The following KPNA7 variants were observed in gnomAD, a reference collection of about 807,000 sequenced individuals.
KPNA7 encodes karyopherin subunit alpha 7.
A neutral mutation model predicts 53.7 loss-of-function variants in KPNA7; 54 were observed. The ratio of observed to expected loss-of-function variants is 1.01; its 90% confidence interval spans 0.81 to 1.26. The LOEUF is 1.26. Among genes scored for constraint, KPNA7 ranks in the 50% most tolerant of loss-of-function variants. The probability of loss-of-function intolerance (pLI) is 0.00; values close to 1 mark genes in which losing one functional copy is unlikely to be tolerated. For synonymous variants in KPNA7, 276 were observed against 259.3 expected, an observed-to-expected ratio of 1.06 and a Z score of -0.62; for missense variants, 640 against 644.5, an observed-to-expected ratio of 0.99 and a Z score of 0.07.
chr7:99,202,700 C>G (rs1336786403), intron 3 of KPNA7, among the ~76,000 whole-genome samples: 1 of 151,910 alleles, frequency 6.6e-6, no homozygotes, highest in African/African-American at 2.4e-5. Context: ...AAAAAATTCA[C>G]CAGGCATGAT....
the KPNA7 span, among the ~76,000 whole-genome samples, chr7:99,155,563 G>A: frequency 1.2e-3 from 187 of 151,930 alleles, 1 homozygote; most frequent in Middle Eastern, 3.4e-3. Flanking sequence ...AGATTTATGG[G>A]GTTGTTCTTG....
chr7:99,147,785 C>CT, the KPNA7 span, among the ~76,000 whole-genome samples: 11 of 121,282 alleles, frequency 9.1e-5, no homozygotes, highest in East Asian at 2.6e-3. Flanking sequence ...GAGCAAGACT[C>CT]TATCTCAAAA....
At chr7:99,174,016 C>T (rs1798820629) in intron 10 of KPNA7, among the ~76,000 whole-genome samples, 1 of 152,204 alleles carries the variant, frequency 6.6e-6, no homozygotes, top group Admixed American at 6.5e-5. Flanking sequence ...CCTATTGCAT[C>T]AGGGGTCCCC....
At chr7:99,216,598 G>A (rs534443250) in intron 1 of KPNA7, among the ~76,000 whole-genome samples, 1 of 152,022 alleles carries the variant, frequency 6.6e-6, no homozygotes, top group East Asian at 1.9e-4. Flanking sequence ...GTCTGGCTCT[G>A]TCGCCCAGGC....
intron 1 of KPNA7, among the ~76,000 whole-genome samples, chr7:99,217,883 G>A (rs1427514801): frequency 6.6e-5 from 10 of 151,954 alleles, no homozygotes; most frequent in African/African-American, 9.7e-5. Context: ...CACGCACCTC[G>A]GCCTCCCAAA....
chr7:99,173,889 T>A (rs1798817560), intron 10 of KPNA7, 95 bp from the exon 11 acceptor site: 1 of 731,340 alleles, frequency 1.4e-6, no homozygotes, highest in Non-Finnish European at 2.3e-6. Flanking sequence ...AAATTGACCC[T>A]CTTAACCATG....
At chr7:99,178,862 T>A (rs10279765) in intron 9 of KPNA7, among the ~76,000 whole-genome samples, 131,371 of 149,770 alleles carry the variant, frequency 0.88, 57,760 homozygotes, top group Non-Finnish European at 0.92. Flanking sequence ...GGCTCACTAC[T>A]CTCCCCACCT....
intron 9 of KPNA7, among the ~76,000 whole-genome samples, chr7:99,178,689 C>T (rs1799017913): frequency 6.9e-6 from 1 of 143,922 alleles, no homozygotes; most frequent in African/African-American, 2.5e-5. Context: ...CTCCTGGCCT[C>T]AAGCAATCTT....
chr7:99,146,131 A>C, the KPNA7 span, among the ~76,000 whole-genome samples: 6 of 152,250 alleles, frequency 3.9e-5, no homozygotes, highest in Admixed American at 3.9e-4. Context: ...TCTCCTCTCT[A>C]AACAAAACCA....
chr7:99,190,666 T>G (rs1346482490), intron 6 of KPNA7, among the ~76,000 whole-genome samples: 1 of 151,692 alleles, frequency 6.6e-6, no homozygotes, highest in African/African-American at 2.4e-5. Flanking sequence ...TTTTTTTTTT[T>G]TTGGGGGGAG....
chr7:99,198,660 A>C (rs1790351692), intron 3 of KPNA7, among the ~76,000 whole-genome samples: 1 of 152,204 alleles, frequency 6.6e-6, no homozygotes, highest in African/African-American at 2.4e-5. Flanking sequence ...CAAAAAACTC[A>C]GAGGTAGCCT....
chr7:99,151,069 G>A, the KPNA7 span, among the ~76,000 whole-genome samples: 2 of 152,152 alleles, frequency 1.3e-5, no homozygotes, highest in African/African-American at 4.8e-5. Flanking sequence ...AACGGCATCC[G>A]GTTTGTGTGA....
the KPNA7 span, among the ~76,000 whole-genome samples, chr7:99,146,313 G>T: frequency 6.6e-6 from 1 of 152,148 alleles, no homozygotes; most frequent in African/African-American, 2.4e-5. Flanking sequence ...GCTTCTGGAG[G>T]TTTCTGAAAG....
intron 2 of KPNA7, among the ~76,000 whole-genome samples, chr7:99,206,343 G>A (rs1038742525): frequency 1.3e-5 from 2 of 152,064 alleles, no homozygotes; most frequent in East Asian, 1.9e-4. Context: ...TGTATTCTTA[G>A]TACAGACAGG....
chr7:99,169,111 G>C (rs868160261), downstream of KPNA7, among the ~76,000 whole-genome samples: 1 of 152,112 alleles, frequency 6.6e-6, no homozygotes, highest in African/African-American at 2.4e-5. Flanking sequence ...AGCTGAGATC[G>C]CGCCACTTCA....
the KPNA7 span, among the ~76,000 whole-genome samples, chr7:99,148,351 T>C: frequency 1.3e-5 from 2 of 152,200 alleles, no homozygotes; most frequent in Admixed American, 1.3e-4. Context: ...TCAGTGTTAT[T>C]GGGCATTTGA....
the KPNA7 span, among the ~76,000 whole-genome samples, chr7:99,157,029 G>A: frequency 6.7e-6 from 1 of 149,964 alleles, no homozygotes; most frequent in East Asian, 1.9e-4. Context: ...TTGAATTTTT[G>A]TTCTGGTAAT....
At chr7:99,167,345 G>A in the KPNA7 span, among the ~76,000 whole-genome samples, 1 of 152,216 alleles carries the variant, frequency 6.6e-6, no homozygotes, top group East Asian at 1.9e-4. Context: ...CCCAGCAGGA[G>A]GTGAGCAGCA....
chr7:99,157,709 T>TTGAC, the KPNA7 span, among the ~76,000 whole-genome samples: 1,786 of 152,330 alleles, frequency 0.012, 34 homozygotes, highest in African/African-American at 0.041. Context: ...CTAAAATTTC[T>TTGAC]TGTCAGGTAA....
Sources: gnomAD v4.1 joint callset for allele counts (sites outside exome capture counted in the v4.1 genomes callset) on GRCh38, gnomAD v4.1.1 for gene constraint, MANE v1.5 for transcripts, NCBI Gene and HGNC (gene_info 2026-07-23, HGNC 2026-07-21) for gene names.